CGGBP1: variants seen among roughly 807,000 people sequenced by gnomAD.
The protein encoded by CGGBP1 is CGG triplet repeat binding protein 1, also known as CGG triplet repeat-binding protein 1.
Under a neutral mutation model 11.4 loss-of-function variants are expected in CGGBP1, and 4 were observed. That is an observed-to-expected ratio of 0.35 (90% CI 0.17 to 0.80). The LOEUF is 0.80. CGGBP1 is among the 30% of genes least tolerant of loss of function. CGGBP1 has a pLI of 0.52. For missense variants in CGGBP1, 135 were observed against 202.1 expected (o/e 0.67, Z 2.01); for synonymous variants, 76 against 74.1 (o/e 1.03, Z -0.13).
At chr3:88,109,039 T>C (rs770523364) in intron 2 of CGGBP1, among the ~76,000 whole-genome samples, 9 of 152,088 alleles carry the variant, frequency 5.9e-5, no homozygotes, top group Non-Finnish European at 1.2e-4. Context: ...AACAGAAACA[T>C]GTTCAAATTG....
intron 1 of CGGBP1, chr3:88,141,224 T>C: frequency 1.3e-6 from 1 of 753,428 alleles, no homozygotes. Context: ...GATACTAATA[T>C]TCCTGTTTTA....
At chr3:88,113,102 T>C in intron 2 of CGGBP1, 1 of 1,516,516 alleles carries the variant, frequency 6.6e-7, no homozygotes, top group African/African-American at 1.4e-5. Flanking sequence ...AGTTATTCAC[T>C]TATTCTTTCT....
intron 1 of CGGBP1, among the ~76,000 whole-genome samples, chr3:88,145,554 G>T (rs913589221): frequency 6.6e-6 from 1 of 152,070 alleles, no homozygotes. Flanking sequence ...TCTGAAATTT[G>T]AAGAATTCTG....
chr3:88,083,290 T>G (rs1188743500), intron 2 of CGGBP1, among the ~76,000 whole-genome samples: 3 of 152,254 alleles, frequency 2.0e-5, no homozygotes, highest in Admixed American at 2.0e-4. Flanking sequence ...TAATTTTAAC[T>G]TAATAGTTTT....
upstream of CGGBP1, among the ~76,000 whole-genome samples, chr3:88,062,144 A>C (rs1706921436): frequency 6.6e-6 from 1 of 152,186 alleles, no homozygotes; most frequent in Non-Finnish European, 1.5e-5. Flanking sequence ...ATAAATGCTT[A>C]AATAAAACTG....
chr3:88,069,267 CA>C (rs1227854382), intron 2 of CGGBP1, among the ~76,000 whole-genome samples: 5 of 152,058 alleles, frequency 3.3e-5, no homozygotes, highest in African/African-American at 1.2e-4. Flanking sequence ...ACTAAAAATA[CA>C]AAAATTAGTC....
At chr3:88,111,959 C>G (rs561151782) in intron 2 of CGGBP1, among the ~76,000 whole-genome samples, 2 of 151,804 alleles carry the variant, frequency 1.3e-5, no homozygotes, top group African/African-American at 4.8e-5. Context: ...TTACTTTCTG[C>G]GAAATATTCT....
intron 2 of CGGBP1, among the ~76,000 whole-genome samples, chr3:88,103,870 G>A (rs1472093595): frequency 3.4e-5 from 5 of 148,334 alleles, no homozygotes; most frequent in South Asian, 2.1e-4. Flanking sequence ...GGGGTCAAGC[G>A]ATTCTTCTGC....
chr3:88,099,008 T>G (rs575694805), intron 2 of CGGBP1, among the ~76,000 whole-genome samples: 4 of 152,204 alleles, frequency 2.6e-5, no homozygotes, highest in South Asian at 2.1e-4. Flanking sequence ...GAGAAAGAAA[T>G]AAAGGGTATT....
chr3:88,096,911 T>G (rs752209392), intron 2 of CGGBP1, among the ~76,000 whole-genome samples: 3 of 152,180 alleles, frequency 2.0e-5, no homozygotes, highest in Non-Finnish European at 4.4e-5. Flanking sequence ...CCTCATATTA[T>G]CATTTTAGAC....
intron 2 of CGGBP1, among the ~76,000 whole-genome samples, chr3:88,082,035 C>T (rs532356548): frequency 5.5e-4 from 84 of 152,204 alleles, no homozygotes; most frequent in Middle Eastern, 3.4e-3. Context: ...TATTAGTCTG[C>T]GTTCAACAAA....
At chr3:88,111,536 T>C (rs1705089408) in intron 2 of CGGBP1, among the ~76,000 whole-genome samples, 1 of 152,022 alleles carries the variant, frequency 6.6e-6, no homozygotes, top group Non-Finnish European at 1.5e-5. Context: ...TCACTAATGT[T>C]CCGTTAATAT....
chr3:88,140,826 C>T (rs1707082530), intron 2 of CGGBP1: 1 of 1,613,558 alleles, frequency 6.2e-7, no homozygotes, highest in African/African-American at 1.3e-5. Flanking sequence ...ACCATTGCCT[C>T]CCAGTTACCT....
chr3:88,094,709 A>G (rs1168150505), intron 2 of CGGBP1, among the ~76,000 whole-genome samples: 1 of 152,092 alleles, frequency 6.6e-6, no homozygotes, highest in Admixed American at 6.6e-5. Context: ...GAATGGTGTA[A>G]GTACATTTGA....
chr3:88,086,342 C>T (rs1349203088), intron 2 of CGGBP1: 3 of 1,535,192 alleles, frequency 2.0e-6, no homozygotes, highest in Admixed American at 2.0e-5. Flanking sequence ...TTTACAACAG[C>T]CAGTGCATCA....
chr3:88,105,178 T>C (rs539134924), intron 2 of CGGBP1, among the ~76,000 whole-genome samples: 211 of 152,278 alleles, frequency 1.4e-3, no homozygotes, highest in African/African-American at 4.9e-3. Flanking sequence ...AAATGGTCTA[T>C]GCCTATTAAA....
intron 2 of CGGBP1, chr3:88,138,716 A>C (rs1343677843): frequency 1.1e-5 from 13 of 1,231,844 alleles, no homozygotes; most frequent in East Asian, 6.3e-5. Flanking sequence ...TTGAAGAAGA[A>C]GGCTTGCAAA....
chr3:88,052,522 T>C lies in CGGBP1; in HGVS notation c.*2951A>G, dbSNP rs912445306. On this transcript the variant is annotated 3_prime_UTR_variant, in exon 4 of 4. Coordinates refer to ENST00000482016, the MANE Select transcript of CGGBP1 (RefSeq NM_001008390.2). ...CCATTAACATTCATGTGCAAATTCTTACAGGCAAAAGTTTTAACGTGGAAG... is the reference window on the plus strand; with the variant it reads ...CCATTAACATTCATGTGCAAATTCTCACAGGCAAAAGTTTTAACGTGGAAG... 2 of 152,654 alleles carry C rather than the reference T, an allele frequency of 1.3e-5. No homozygotes were observed. The highest frequency in any genetic ancestry group is 2.4e-5 in the African/African-American group (1 of 41,452). 9.5% of individuals were successfully genotyped at this position (152,654 alleles called of 1,614,324 possible). A position where few individuals can be genotyped will look rare whatever the true frequency, so the allele number is the denominator to read the frequency against.
At chr3:88,147,247 G>T (rs1459259194) in intron 1 of CGGBP1, among the ~76,000 whole-genome samples, 1 of 152,156 alleles carries the variant, frequency 6.6e-6, no homozygotes, top group Non-Finnish European at 1.5e-5. Flanking sequence ...AATAAAGTGG[G>T]TAGCAAATGC....
Sources: allele counts gnomAD v4.1 joint callset (sites outside exome capture counted in the v4.1 genomes callset), GRCh38; gene constraint gnomAD v4.1.1; transcripts MANE v1.5; gene names NCBI Gene and HGNC (gene_info 2026-07-23, HGNC 2026-07-21).